ESAM: variants seen among roughly 807,000 people sequenced by gnomAD.
ESAM encodes the protein endothelial cell-selective adhesion molecule.
In ESAM, 23 loss-of-function variants were observed where a neutral mutation model predicts 31.8. That is an observed-to-expected ratio of 0.72 (90% CI 0.52 to 1.03). The LOEUF is 1.03. ESAM is among the 50% of genes least tolerant of loss of function. ESAM has a pLI of 0.00. For missense variants in ESAM, 478 were observed against 488.9 expected, an observed-to-expected ratio of 0.98 and a Z score of 0.21; for synonymous variants, 216 against 207.2, an observed-to-expected ratio of 1.04 and a Z score of -0.37.
intron 4 of ESAM, among the ~76,000 whole-genome samples, chr11:124,755,026 A>C (rs1944138959): frequency 6.6e-6 from 1 of 152,190 alleles, no homozygotes; most frequent in South Asian, 2.1e-4. Flanking sequence ...GCACAGAGAA[A>C]CCAAAACACC....
chr11:124,754,065 T>G lies in ESAM; in HGVS notation c.858-104A>C. On this transcript the variant is annotated intron_variant, in intron 6 of 6. Coordinates refer to ENST00000278927, the MANE Select transcript of ESAM (RefSeq NM_138961.3). This position sits in a 1 kb window ranked among gnomAD's most constrained non-coding sequence, Gnocchi z 4.5. ...TACCACCTCTGCCTGCACACTTCAG[T>G]ACTCCTTTCCCTCTCCCTTAAAACC... The G allele has an allele frequency of 6.4e-7, 1 of 1,552,114 alleles. No homozygotes were observed. Among genetic ancestry groups the G allele is most frequent in the Non-Finnish European group, 8.7e-7 (1 of 1,142,930 alleles).
intron 2 of ESAM, 147 bp downstream of exon 2, chr11:124,758,202 A>C (rs1944178986): frequency 2.3e-6 from 2 of 882,444 alleles, no homozygotes; most frequent in South Asian, 1.7e-5. Flanking sequence ...TCAGAACAAA[A>C]ACTGAACTGG....
At chr11:124,761,189 C>T (rs1944224734) in intron 1 of ESAM, among the ~76,000 whole-genome samples, 1 of 152,178 alleles carries the variant, frequency 6.6e-6, no homozygotes. Context: ...ACCCTTCACT[C>T]CCATTCGAGA....
intron 2 of ESAM, 32 bp downstream of exon 2, chr11:124,758,317 T>C: frequency 6.2e-7 from 1 of 1,612,150 alleles, no homozygotes; most frequent in Non-Finnish European, 8.5e-7. Flanking sequence ...TGGGCGCAAC[T>C]TGCCGCTGGC....
In ESAM at chr11:124,762,048, G is replaced by T. The variant is rs760420791; in HGVS notation, c.70+37C>A. The T allele has an allele frequency of 5.0e-5, 79 of 1,584,080 alleles. No homozygotes were observed. Among genetic ancestry groups the T allele is most frequent in the Admixed American group, 1.7e-5 (1 of 58,236 alleles). The stretch of plus-strand genomic sequence containing the variant: ...CTCAGGGTCGAACTCACCCCATCCC[G>T]CATCCCAAGTCCCCTCCAGGTCCGG... On this transcript the variant is annotated intron_variant, in intron 1 of 6. Transcript: ENST00000278927. This position sits in a 1 kb window ranked among gnomAD's most constrained non-coding sequence, Gnocchi z 6.4.
chr11:124,757,341 G>A lies in ESAM; in HGVS notation c.250-599C>T, dbSNP rs188939723. The A allele has an allele frequency of 3.2e-3, 500 of 155,328 alleles. 2 individuals carry two copies. The highest frequency in any genetic ancestry group is 4.9e-3 in the Non-Finnish European group (342 of 70,006). The allele number at this position is 155,328 out of a possible 1,614,324, so 9.6% of individuals were successfully genotyped here. A position where few individuals can be genotyped will look rare whatever the true frequency, so the allele number is the denominator to read the frequency against. On this transcript the variant is annotated intron_variant, in intron 2 of 6. Transcript: ENST00000278927. ...AGCTACTCAGGGGGCTGAGGTGGAA[G>A]GATTACTTGAGCAGGAGCGGTAGAG...
In ESAM at chr11:124,759,614, G is replaced by C. The variant is rs1178188319; in HGVS notation, c.71-1087C>G. Among the ~76,000 whole-genome samples the C allele has an allele frequency of 6.6e-6, 1 of 152,252 alleles. No homozygotes were observed. Among genetic ancestry groups the C allele is most frequent in the African/African-American group, 2.4e-5 (1 of 41,476 alleles). On this transcript the variant is annotated intron_variant, in intron 1 of 6. Transcript: ENST00000278927. The surrounding 1 kb of genome is among the most constrained non-coding windows in gnomAD (Gnocchi z 6.8). Reference sequence around the variant, plus strand: ...CCCGCTCTCCACCCTCGCCCTAGGAGAGCCAGGCTGAAGGCCTCTAAGGGC... The same window carrying C: ...CCCGCTCTCCACCCTCGCCCTAGGACAGCCAGGCTGAAGGCCTCTAAGGGC...
At position 124,762,084 on chromosome 11, in the gene ESAM, C is replaced by A. The variant is rs1465787127; in HGVS notation, c.70+1G>T. 5 of 1,611,040 alleles carry A rather than the reference C, an allele frequency of 3.1e-6. No homozygotes were observed. Among genetic ancestry groups the A allele is most frequent in the Non-Finnish European group, 4.2e-6 (5 of 1,178,634 alleles). ...CCCCTCCAGGTCCGGGTTTCACTCA[C>A]CGAGGGCACTCAGCCCCAGGAACAA... is the stretch of plus-strand genomic sequence containing the variant. On this transcript the variant is annotated splice_donor_variant, in intron 1 of 6. Transcript: ENST00000278927. LOFTEE classifies it high-confidence loss of function. The surrounding 1 kb of genome is among the most constrained non-coding windows in gnomAD (Gnocchi z 6.4).
At chr11:124,760,015 G>A (rs939993724) in intron 1 of ESAM, among the ~76,000 whole-genome samples, 3 of 152,210 alleles carry the variant, frequency 2.0e-5, no homozygotes, top group African/African-American at 7.2e-5. Flanking sequence ...ACTGCCTGGG[G>A]CCCAGAAGGG....
Position 124,754,494 on chromosome 11 carries a change from C to A in ESAM, c.730+147G>T. On this transcript the variant is annotated intron_variant, in intron 5 of 6. Transcript: ENST00000278927. This position sits in a 1 kb window ranked among gnomAD's most constrained non-coding sequence, Gnocchi z 4.5. ...CTGTTGAGCAGGAAATGACCAGTCA[C>A]TGACCAACCATTTGTACAAACATTT... 1 of 1,504,856 alleles carries A rather than the reference C, an allele frequency of 6.6e-7. No homozygotes were observed. The allele number at this position is 1,504,856 out of a possible 1,614,324, so 93.2% of individuals were successfully genotyped here. A position where few individuals can be genotyped will look rare whatever the true frequency, so the allele number is the denominator to read the frequency against.
At position 124,754,368 on chromosome 11, in the gene ESAM, A is replaced by G; in HGVS notation, c.731-28T>C. The G allele has an allele frequency of 1.2e-6, 2 of 1,611,820 alleles. No homozygotes were observed. The highest frequency in any genetic ancestry group is 1.7e-6 in the Non-Finnish European group (2 of 1,179,064). On this transcript the variant is annotated intron_variant, in intron 5 of 6. Coordinates refer to ENST00000278927, the MANE Select transcript of ESAM (RefSeq NM_138961.3). This position sits in a 1 kb window ranked among gnomAD's most constrained non-coding sequence, Gnocchi z 4.5. ...GGAAAAGGCGTCGTGTCAGAGGAGG[A>G]CACCCAGCTGAGGGGTTCTCACCCC...
intron 2 of ESAM, 58 bp downstream of exon 2, chr11:124,758,291 T>A: frequency 6.2e-7 from 1 of 1,607,320 alleles, no homozygotes. Flanking sequence ...ACCAGCTCTT[T>A]GCTTACAACC....
intron 2 of ESAM, 77 bp from the exon 3 acceptor site, chr11:124,756,819 C>T: frequency 6.8e-7 from 1 of 1,478,964 alleles, no homozygotes; most frequent in Non-Finnish European, 9.3e-7. Flanking sequence ...CTCTCCCTCC[C>T]CCAGCTCGCA....
At chr11:124,760,136 C>G (rs1944210443) in intron 1 of ESAM, among the ~76,000 whole-genome samples, 1 of 152,252 alleles carries the variant, frequency 6.6e-6, no homozygotes, top group South Asian at 2.1e-4. Context: ...AACGGACACA[C>G]TGGGGTCTGG....
intron 4 of ESAM, among the ~76,000 whole-genome samples, chr11:124,755,704 C>T (rs1299295540): frequency 6.6e-6 from 1 of 152,164 alleles, no homozygotes; most frequent in Non-Finnish European, 1.5e-5. Context: ...GTAAATACAT[C>T]AGCATAAATC....
rs1944207202 is a variant in ESAM, at chr11:124,759,947, TCTCCCCCAGCC to T, written c.71-1431_71-1421del. Among the ~76,000 whole-genome samples, 2 of 152,038 alleles carry T rather than the reference TCTCCCCCAGCC, an allele frequency of 1.3e-5. No homozygotes were observed. Among genetic ancestry groups the T allele is most frequent in the Admixed American group, 1.3e-4 (2 of 15,278 alleles). Reference sequence around the variant, plus strand: ...CCTGGAGCCTGCAGGTGCTGCCGGCTCTCCCCCAGCCTTTCTACGACACACACCCGGCGGCC... The same window carrying T: ...CCTGGAGCCTGCAGGTGCTGCCGGCTTTTCTACGACACACACCCGGCGGCC... On this transcript the variant is annotated intron_variant, in intron 1 of 6. Transcript: ENST00000278927. This position sits in a 1 kb window ranked among gnomAD's most constrained non-coding sequence, Gnocchi z 6.8.
In ESAM at chr11:124,753,865, G is replaced by T. The variant is rs759070097; in HGVS notation, c.954C>A (p.Ala318=). ...GTLSSVTSAR[A]LRPPHGPPRP... ...TGGGAGGGCCATGGGGTGGCCGGAG[G>T]GCTCGTGCGGAGGTGACAGAGGAAA... The change falls in exon 7 of 7, where the codon GCC becomes GCA. Residue 318 remains alanine (A), a synonymous_variant. Transcript: ENST00000278927. 2.5e-5 allele frequency: 41 copies of T among 1,613,928 alleles called. No individual in the cohort carries two copies. The highest frequency in any genetic ancestry group is 5.3e-5 in the African/African-American group (4 of 74,936).
At position 124,754,325 on chromosome 11, in the gene ESAM, A is replaced by G. The variant is rs751127215; in HGVS notation, c.746T>C (p.Val249Ala). ...LEVSTGPGAAVVAGAVVGTLV... is the reference protein window; with the variant it reads ...LEVSTGPGAAAVAGAVVGTLV... ...GGTACCCACAACAGCTCCAGCAACC[A>G]CTGCAGCTCCAGGCCCTGGAAAAGG... Residue 249 changes from valine (V) to alanine (A), a missense_variant, in exon 6 of 7, where the codon GTG (valine) becomes GCG (alanine). Physicochemically the swap from Val to Ala is moderately conservative, Grantham distance 64. Coordinates refer to ENST00000278927, the MANE Select transcript of ESAM (RefSeq NM_138961.3). This position sits in a 1 kb window ranked among gnomAD's most constrained non-coding sequence, Gnocchi z 4.5. 2 of 1,613,936 alleles carry G rather than the reference A, an allele frequency of 1.2e-6. No homozygotes were observed. The highest frequency in any genetic ancestry group is 2.2e-5 in the South Asian group (2 of 91,072).
At position 124,759,649 on chromosome 11, in the gene ESAM, ATCC is replaced by A. The variant is rs1357420283; in HGVS notation, c.71-1125_71-1123del. On this transcript the variant is annotated intron_variant, in intron 1 of 6. Transcript: ENST00000278927. The surrounding 1 kb of genome is among the most constrained non-coding windows in gnomAD (Gnocchi z 6.8). ...GAAGGCCTCTAAGGGCTGGGAGCCG[ATCC>A]GGCCAGGATGCAAGCCTCCCCCACC... is the stretch of plus-strand genomic sequence containing the variant. Among the ~76,000 whole-genome samples the A allele has an allele frequency of 6.6e-6, 1 of 152,202 alleles. No individual in the cohort carries two copies. Among genetic ancestry groups the A allele is most frequent in the East Asian group, 1.9e-4 (1 of 5,180 alleles).
Sources: gnomAD v4.1 joint callset for allele counts (sites outside exome capture counted in the v4.1 genomes callset) on GRCh38, gnomAD v4.1.1 for gene constraint, Gnocchi (gnomAD v3.1) non-coding constraint, MANE v1.5 for transcripts, NCBI Gene and HGNC (gene_info 2026-07-23, HGNC 2026-07-21) for gene names.